Variants in B3GALNT2 observed in about 807,000 individuals in gnomAD.
The protein encoded by B3GALNT2 is UDP-GalNAc:beta-1,3-N-acetylgalactosaminyltransferase 2.
Under a neutral mutation model 61.1 loss-of-function variants are expected in B3GALNT2, and 53 were observed. The ratio of observed to expected loss-of-function variants is 0.87; its 90% confidence interval spans 0.70 to 1.09. The LOEUF (loss-of-function observed/expected upper bound fraction) is 1.09, where lower values mean the gene tolerates loss of function less well. Among genes scored for constraint, B3GALNT2 ranks in the 50% least tolerant of loss-of-function variants. The pLI is 0.00. For synonymous variants in B3GALNT2, 223 were observed against 237.4 expected, an observed-to-expected ratio of 0.94 and a Z score of 0.56; for missense variants, 544 against 623.0, an observed-to-expected ratio of 0.87 and a Z score of 1.35.
intron 2 of B3GALNT2, among the ~76,000 whole-genome samples, chr1:235,490,239 C>CT (rs967035617): frequency 2.1e-4 from 32 of 151,394 alleles, no homozygotes; most frequent in South Asian, 4.2e-4. Context: ...TAGTTGTTTT[C>CT]TTTTTTTTTG....
chr1:235,453,718 A>G (rs578144160), intron 10 of B3GALNT2, among the ~76,000 whole-genome samples: 4 of 152,184 alleles, frequency 2.6e-5, no homozygotes, highest in Non-Finnish European at 5.9e-5. Context: ...AAGTGCTACA[A>G]TTACAGGCAT....
the B3GALNT2 span, chr1:235,441,621 T>G: frequency 1.7e-6 from 1 of 596,214 alleles, no homozygotes; most frequent in East Asian, 2.9e-5. Context: ...TCTGGGTAGA[T>G]AGAAGATTCT....
the B3GALNT2 span, chr1:235,441,438 C>T: frequency 5.8e-5 from 16 of 278,044 alleles, no homozygotes; most frequent in South Asian, 7.9e-5. Flanking sequence ...AGGTGACACT[C>T]GGGGAAAACA....
intron 1 of B3GALNT2, among the ~76,000 whole-genome samples, chr1:235,498,880 A>C (rs1315458911): frequency 7.1e-6 from 1 of 141,738 alleles, no homozygotes; most frequent in African/African-American, 2.7e-5. Context: ...AAAAAAGGCT[A>C]CTCTTTTTCA....
At chr1:235,504,061 T>C in intron 1 of B3GALNT2, 80 bp downstream of exon 1, 1 of 1,194,332 alleles carries the variant, frequency 8.4e-7, no homozygotes, top group Non-Finnish European at 1.0e-6. Flanking sequence ...CTCCAACAAT[T>C]CCCGGCGAAG....
rs577492798 is a variant in B3GALNT2 at position 235,496,638 on chromosome 1, C to T, written c.113-1810G>A. ...TCGGCTCACTGCAACCTCTGCCGCCCGGGTTCAAGTGATTCTCCTGCCTCA... is the reference window on the plus strand; with the variant it reads ...TCGGCTCACTGCAACCTCTGCCGCCTGGGTTCAAGTGATTCTCCTGCCTCA... On this transcript the variant is annotated intron_variant, in intron 1 of 11. Coordinates refer to ENST00000366600, the MANE Select transcript of B3GALNT2 (RefSeq NM_152490.5). Among the ~76,000 whole-genome samples, 351 of 151,494 alleles carry T rather than the reference C, an allele frequency of 2.3e-3. 2 individuals are homozygous for T. The highest frequency in any genetic ancestry group is 7.9e-3 in the African/African-American group (326 of 41,258).
chr1:235,485,410 C>T (rs1286021190), intron 3 of B3GALNT2, among the ~76,000 whole-genome samples: 1 of 152,168 alleles, frequency 6.6e-6, no homozygotes, highest in African/African-American at 2.4e-5. Flanking sequence ...ACCTCCTTTG[C>T]TCAAGGGATC....
downstream of B3GALNT2, among the ~76,000 whole-genome samples, chr1:235,447,137 TCA>T (rs1288345583): frequency 6.6e-6 from 1 of 152,154 alleles, no homozygotes; most frequent in Non-Finnish European, 1.5e-5. Context: ...TATCACATAT[TCA>T]CACATGAAAG....
chr1:235,490,802 T>C (rs572327484), intron 2 of B3GALNT2, among the ~76,000 whole-genome samples: 2 of 152,186 alleles, frequency 1.3e-5, no homozygotes, highest in East Asian at 1.9e-4. Flanking sequence ...TATTATGTTC[T>C]TGAGATCATT....
At chr1:235,485,100 T>C (rs1684741005) in intron 3 of B3GALNT2, among the ~76,000 whole-genome samples, 1 of 152,220 alleles carries the variant, frequency 6.6e-6, no homozygotes, top group Non-Finnish European at 1.5e-5. Context: ...CTATGTACCA[T>C]TTCCCATCAC....
In B3GALNT2 at chr1:235,465,675, C is replaced by T. The variant is rs367543074; in HGVS notation, c.802G>A (p.Val268Met). The T allele has an allele frequency of 8.1e-6, 13 of 1,614,074 alleles. No homozygotes were observed. In the Middle Eastern group the frequency reaches 1.2e-3, roughly 143 times the overall value. ...ATAAAACCACCTGCAACTCCCTCCA[C>T]ACCTTCCAAGAATTCATGAGGCAAT... ...GALPHEFLEG[V>M]EGVAGGFIYT... The change falls in exon 7 of 12, where the codon GTG (valine) becomes ATG (methionine). Residue 268 changes from valine (V) to methionine (M), a missense_variant. Transcript: ENST00000366600.
At chr1:235,483,859 A>C (rs973665535) in intron 4 of B3GALNT2, among the ~76,000 whole-genome samples, 5 of 152,220 alleles carry the variant, frequency 3.3e-5, no homozygotes, top group Non-Finnish European at 7.3e-5. Flanking sequence ...TCGGGAATAG[A>C]GAAACCTCAC....
chr1:235,477,194 T>C (rs1041870061), intron 5 of B3GALNT2, among the ~76,000 whole-genome samples: 1 of 152,182 alleles, frequency 6.6e-6, no homozygotes. Context: ...ACCCAATTTT[T>C]ATTTTGAAAA....
intron 1 of B3GALNT2, 140 bp from the exon 2 acceptor site, chr1:235,494,968 C>T (rs1685249305): frequency 3.4e-6 from 3 of 883,398 alleles, no homozygotes; most frequent in Non-Finnish European, 4.9e-6. Context: ...TTTTAAATCA[C>T]ATATGAACCC....
At position 235,504,408 on chromosome 1, in the gene B3GALNT2, C is replaced by T; in HGVS notation, c.-156G>A. The T allele has an allele frequency of 2.6e-6, 2 of 769,660 alleles. No individual in the cohort carries two copies. The highest frequency in any genetic ancestry group is 3.7e-5 in the East Asian group (1 of 26,928). 47.7% of individuals were successfully genotyped at this position (769,660 alleles called of 1,614,324 possible). The stretch of plus-strand genomic sequence containing the variant: ...CGTCTGGGGGGCTCCTCGCAGCTCC[C>T]GGCCCCGCTCCTCCGGTCCCTCAGA... On this transcript the variant is annotated 5_prime_UTR_variant, in exon 1 of 12. Coordinates refer to ENST00000366600, the MANE Select transcript of B3GALNT2 (RefSeq NM_152490.5).
intron 6 of B3GALNT2, among the ~76,000 whole-genome samples, chr1:235,467,818 C>A (rs547426919): frequency 2.6e-4 from 39 of 151,784 alleles, no homozygotes; most frequent in African/African-American, 8.9e-4. Context: ...TCACTCTTGT[C>A]GCCCAGGCTG....
intron 3 of B3GALNT2, 135 bp from the exon 4 acceptor site, chr1:235,484,650 T>A (rs780368383): frequency 2.2e-4 from 299 of 1,390,616 alleles, no homozygotes; most frequent in Non-Finnish European, 2.6e-4. Flanking sequence ...CAGGAATTTT[T>A]AAAAAATGCT....
chr1:235,484,258 C>A, intron 4 of B3GALNT2, 64 bp downstream of exon 4: 1 of 1,512,256 alleles, frequency 6.6e-7, no homozygotes, highest in African/African-American at 1.4e-5. Context: ...CTGTATGTCA[C>A]AAGGAAAAGT....
At chr1:235,499,021 TC>T (rs1558445563) in intron 1 of B3GALNT2, among the ~76,000 whole-genome samples, 1 of 152,060 alleles carries the variant, frequency 6.6e-6, no homozygotes, top group Non-Finnish European at 1.5e-5. Flanking sequence ...AGTGATACAC[TC>T]AGAAGATCTT....
Sources: allele counts gnomAD v4.1 joint callset (sites outside exome capture counted in the v4.1 genomes callset), GRCh38; gene constraint gnomAD v4.1.1; transcripts MANE v1.5; gene names NCBI Gene and HGNC (gene_info 2026-07-23, HGNC 2026-07-21).